The following BMERB1 variants were observed in gnomAD, a reference collection of about 807,000 sequenced individuals.
BMERB1 encodes the protein bMERB domain-containing protein 1.
A neutral mutation model predicts 23.6 loss-of-function variants in BMERB1; 12 were observed. The ratio of observed to expected loss-of-function variants is 0.51; its 90% CI spans 0.33 to 0.82. BMERB1 has a LOEUF of 0.82. Among genes scored for constraint, BMERB1 ranks in the 40% least tolerant of loss-of-function variants. The pLI, the probability that BMERB1 is intolerant of heterozygous loss-of-function variation, is 0.03. For synonymous variants in BMERB1, 122 were observed against 96.6 expected, an observed-to-expected ratio of 1.26 and a Z score of -1.54; for missense variants, 247 against 255.4, an observed-to-expected ratio of 0.97 and a Z score of 0.22.
chr16:15,517,334 AC>A (rs1302071973), intron 2 of BMERB1, among the ~76,000 whole-genome samples: 1 of 151,956 alleles, frequency 6.6e-6, no homozygotes, highest in Non-Finnish European at 1.5e-5. Context: ...CAGGGCAAAA[AC>A]CCGTCTCTAG....
intron 1 of BMERB1, among the ~76,000 whole-genome samples, chr16:15,466,131 A>G (rs1427778956): frequency 6.6e-6 from 1 of 152,316 alleles, no homozygotes; most frequent in South Asian, 2.1e-4. Context: ...CAGTATGCAC[A>G]TACTAAACTT....
chr16:15,572,731 T>C (rs934811929), intron 3 of BMERB1, among the ~76,000 whole-genome samples: 1 of 152,206 alleles, frequency 6.6e-6, no homozygotes, highest in African/African-American at 2.4e-5. Flanking sequence ...CAACTTGTGA[T>C]ATGGTTTGGC....
In BMERB1 at chr16:15,567,858, T is replaced by G; in HGVS notation, c.231-125T>G. 5.3e-6 allele frequency: 4 copies of G among 752,280 alleles called. No individual in the cohort carries two copies. The East Asian group carries it at 1.1e-4, about 21-fold the overall frequency. The allele number at this position is 752,280 out of a possible 1,614,324, so 46.6% of individuals were successfully genotyped here. On this transcript the variant is annotated intron_variant, in intron 2 of 5. Coordinates refer to ENST00000300006, the MANE Select transcript of BMERB1 (RefSeq NM_033201.3). ...TCCTTTTGAGGGAAAACCTCTACAA[T>G]GAGCATGTATGGCCTCTTCAAAAGA...
intron 1 of BMERB1, among the ~76,000 whole-genome samples, chr16:15,467,178 A>G (rs1206648474): frequency 1.3e-5 from 2 of 152,168 alleles, no homozygotes; most frequent in African/African-American, 4.8e-5. Context: ...TTGTGTGAAC[A>G]TAAGTTTTCA....
At chr16:15,541,635 T>C (rs2052081876) in intron 2 of BMERB1, among the ~76,000 whole-genome samples, 1 of 143,924 alleles carries the variant, frequency 6.9e-6, no homozygotes, top group Non-Finnish European at 1.5e-5. Flanking sequence ...AGAGTCTTGC[T>C]CTGTCACCCA....
intron 2 of BMERB1, among the ~76,000 whole-genome samples, chr16:15,520,787 C>G (rs566486245): frequency 1.1e-3 from 175 of 152,206 alleles, no homozygotes; most frequent in African/African-American, 3.8e-3. Context: ...GCACCCGGCC[C>G]ATAGATACTC....
intron 1 of BMERB1, among the ~76,000 whole-genome samples, chr16:15,446,025 A>G (rs1280342829): frequency 6.6e-6 from 1 of 152,200 alleles, no homozygotes; most frequent in Non-Finnish European, 1.5e-5. Context: ...GTCCGCTGAC[A>G]TGAAATTATT....
At chr16:15,522,770 G>A (rs530796785) in intron 2 of BMERB1, among the ~76,000 whole-genome samples, 9 of 152,266 alleles carry the variant, frequency 5.9e-5, no homozygotes, top group South Asian at 2.1e-4. Context: ...ACCTCTAGGG[G>A]ACCATAGAGA....
intron 1 of BMERB1, among the ~76,000 whole-genome samples, chr16:15,471,764 G>GATGGGGTCT (rs2051231209): frequency 6.6e-6 from 1 of 152,008 alleles, no homozygotes; most frequent in Non-Finnish European, 1.5e-5. Flanking sequence ...TTTTTGTAGA[G>GATGGGGTCT]ATGGGGTCTT....
At chr16:15,498,936 C>T (rs1368204320) in intron 1 of BMERB1, among the ~76,000 whole-genome samples, 1 of 152,244 alleles carries the variant, frequency 6.6e-6, no homozygotes, top group Non-Finnish European at 1.5e-5. Flanking sequence ...TCAAAGCACT[C>T]ACAGGCTATG....
At chr16:15,584,558 A>G (rs1456861037) in intron 5 of BMERB1, among the ~76,000 whole-genome samples, 1 of 45,014 alleles carries the variant, frequency 2.2e-5, no homozygotes. Context: ...ACTCCATCTC[A>G]AAAAAAAAAA....
At chr16:15,495,620 C>T (rs1211207284) in intron 1 of BMERB1, among the ~76,000 whole-genome samples, 1 of 152,228 alleles carries the variant, frequency 6.6e-6, no homozygotes, top group Non-Finnish European at 1.5e-5. Flanking sequence ...CCCACCTCGG[C>T]CTCCCGAAGT....
At chr16:15,438,620 C>T (rs763703531) in intron 1 of BMERB1, among the ~76,000 whole-genome samples, 1 of 151,870 alleles carries the variant, frequency 6.6e-6, no homozygotes, top group African/African-American at 2.4e-5. Flanking sequence ...CCACCACGTC[C>T]GGCTAATTTT....
chr16:15,573,691 G>T lies in BMERB1; in HGVS notation c.304+5635G>T, dbSNP rs140261279. On this transcript the variant is annotated intron_variant, in intron 3 of 5. Transcript: ENST00000300006. The stretch of plus-strand genomic sequence containing the variant: ...GAGGGTCAGCATCTTGTAGCCTCCA[G>T]CTGCATGATTCCTAAACCATAATTC... Among the ~76,000 whole-genome samples, 1,068 of 152,290 alleles carry T rather than the reference G, an allele frequency of 7.0e-3. 15 individuals are homozygous for T. Among genetic ancestry groups the T allele is most frequent in the African/African-American group, 0.025 (1,041 of 41,554 alleles).
At chr16:15,558,043 C>T (rs1037716927) in intron 2 of BMERB1, among the ~76,000 whole-genome samples, 1 of 148,126 alleles carries the variant, frequency 6.8e-6, no homozygotes, top group Admixed American at 6.7e-5. Context: ...GACTCCGTCT[C>T]AAAAAAAAAA....
At chr16:15,477,196 T>C (rs2051281731) in intron 1 of BMERB1, among the ~76,000 whole-genome samples, 1 of 152,060 alleles carries the variant, frequency 6.6e-6, no homozygotes, top group Admixed American at 6.6e-5. Flanking sequence ...AAACTTAGAA[T>C]TGTGTGTGGA....
intron 1 of BMERB1, among the ~76,000 whole-genome samples, chr16:15,459,970 C>A (rs1387609642): frequency 6.6e-6 from 1 of 152,166 alleles, no homozygotes; most frequent in East Asian, 1.9e-4. Flanking sequence ...TGGTCTTCTT[C>A]TTGCCATACC....
intron 3 of BMERB1, 90 bp downstream of exon 3, chr16:15,568,146 C>A: frequency 1.8e-6 from 2 of 1,118,432 alleles, no homozygotes; most frequent in Non-Finnish European, 1.3e-6. Flanking sequence ...GAAGACAGAG[C>A]CTCATTCTTG....
At chr16:15,492,599 G>A (rs1174993239) in intron 1 of BMERB1, among the ~76,000 whole-genome samples, 7 of 152,150 alleles carry the variant, frequency 4.6e-5, no homozygotes, top group Admixed American at 4.6e-4. Context: ...AACTCATCTT[G>A]ATGGGATGTA....
Sources: gnomAD v4.1 joint callset for allele counts (sites outside exome capture counted in the v4.1 genomes callset) on GRCh38, gnomAD v4.1.1 for gene constraint, MANE v1.5 for transcripts, NCBI Gene and HGNC (gene_info 2026-07-23, HGNC 2026-07-21) for gene names.